Variants in PARVA observed in about 807,000 individuals in gnomAD.
PARVA encodes parvin alpha, also known as alpha-parvin.
A neutral mutation model predicts 52.6 loss-of-function variants in PARVA; 25 were observed. The ratio of observed to expected loss-of-function variants is 0.48; its 90% confidence interval spans 0.35 to 0.66. The LOEUF (loss-of-function observed/expected upper bound fraction) is 0.66, where lower values mean the gene tolerates loss of function less well. PARVA is among the 30% of genes least tolerant of loss of function. The probability of loss-of-function intolerance (pLI) is 0.01; values close to 1 mark genes in which losing one functional copy is unlikely to be tolerated. For synonymous variants in PARVA, 185 were observed against 179.1 expected, an observed-to-expected ratio of 1.03 and a Z score of -0.26; for missense variants, 373 against 450.9, an observed-to-expected ratio of 0.83 and a Z score of 1.56.
intron 1 of PARVA, among the ~76,000 whole-genome samples, chr11:12,444,835 A>G (rs537098617): frequency 2.4e-4 from 37 of 152,296 alleles, no homozygotes; most frequent in African/African-American, 8.2e-4. Context: ...CAGCTAGGAC[A>G]GGGTAGAACC....
chr11:12,484,692 T>C (rs1252754549), intron 4 of PARVA, among the ~76,000 whole-genome samples: 1 of 152,078 alleles, frequency 6.6e-6, no homozygotes, highest in Non-Finnish European at 1.5e-5. Context: ...AAATGTGTCA[T>C]ATGCTGTCTT....
At chr11:12,492,054 G>A (rs1370351097) in intron 4 of PARVA, among the ~76,000 whole-genome samples, 1 of 152,154 alleles carries the variant, frequency 6.6e-6, no homozygotes, top group Non-Finnish European at 1.5e-5. Flanking sequence ...ACTGGAAAGA[G>A]TATTTTACAT....
intron 6 of PARVA, 88 bp from the exon 7 acceptor site, chr11:12,508,496 T>A: frequency 1.1e-6 from 1 of 927,912 alleles, no homozygotes; most frequent in South Asian, 1.4e-5. Context: ...ACTTTCTCAT[T>A]ATCAGGAATG....
At chr11:12,443,339 T>C (rs897694008) in intron 1 of PARVA, among the ~76,000 whole-genome samples, 29 of 151,516 alleles carry the variant, frequency 1.9e-4, no homozygotes, top group African/African-American at 7.0e-4. Flanking sequence ...GCCCAGCTAA[T>C]TTTTTGTATT....
chr11:12,512,281 G>A (rs1941512044), intron 8 of PARVA, among the ~76,000 whole-genome samples: 1 of 152,192 alleles, frequency 6.6e-6, no homozygotes, highest in Non-Finnish European at 1.5e-5. Context: ...TCCTTCTAGA[G>A]ACTGTCTTCT....
At chr11:12,388,431 G>A (rs956470693) in intron 1 of PARVA, among the ~76,000 whole-genome samples, 2 of 152,234 alleles carry the variant, frequency 1.3e-5, no homozygotes, top group South Asian at 4.1e-4. Flanking sequence ...AGAGGCCGTG[G>A]ATGGAAGAGG....
At chr11:12,409,856 A>G (rs759878979) in intron 1 of PARVA, among the ~76,000 whole-genome samples, 9 of 152,236 alleles carry the variant, frequency 5.9e-5, no homozygotes, top group Non-Finnish European at 1.2e-4. Flanking sequence ...AAACATTGTC[A>G]ACTGCAGTTT....
chr11:12,446,040 T>TAAA (rs59092542), intron 1 of PARVA, among the ~76,000 whole-genome samples: 313 of 151,356 alleles, frequency 2.1e-3, no homozygotes, highest in East Asian at 4.3e-3. Context: ...TCATTTACTT[T>TAAA]AAAAAAAAAT....
chr11:12,382,433 T>TC (rs1405104876), intron 1 of PARVA, among the ~76,000 whole-genome samples: 1 of 152,034 alleles, frequency 6.6e-6, no homozygotes, highest in Non-Finnish European at 1.5e-5. Flanking sequence ...TCAAGGTTTT[T>TC]CTAATTGTCA....
At chr11:12,380,075 G>A (rs1433174704) in intron 1 of PARVA, among the ~76,000 whole-genome samples, 4 of 152,142 alleles carry the variant, frequency 2.6e-5, no homozygotes, top group East Asian at 1.9e-4. Flanking sequence ...AGGCTATCCT[G>A]CTTTCTAGAG....
At chr11:12,499,291 G>A (rs1212066174) in intron 5 of PARVA, among the ~76,000 whole-genome samples, 1 of 152,104 alleles carries the variant, frequency 6.6e-6, no homozygotes, top group Non-Finnish European at 1.5e-5. Flanking sequence ...TCAGCTCCTG[G>A]GGGAAAAGCT....
rs1473148434 is a variant in PARVA, at chr11:12,518,385, G to C, written c.970-60G>C. 5 of 1,283,336 alleles carry C rather than the reference G, an allele frequency of 3.9e-6. No individual in the cohort carries two copies. In the African/African-American group the frequency reaches 7.3e-5, roughly 19 times the overall value. 79.5% of individuals were successfully genotyped at this position (1,283,336 alleles called of 1,614,324 possible). A position where few individuals can be genotyped will look rare whatever the true frequency, so the allele number is the denominator to read the frequency against. On this transcript the variant is annotated intron_variant, in intron 11 of 12. Coordinates refer to ENST00000334956, the MANE Select transcript of PARVA (RefSeq NM_018222.5). Reference sequence around the variant, plus strand: ...GTGCTGGGCTCCTTCACTTCCCAGGGCCAGGTCCTGGGGCTCCTGGGTGTG... The same window carrying C: ...GTGCTGGGCTCCTTCACTTCCCAGGCCCAGGTCCTGGGGCTCCTGGGTGTG...
In PARVA at chr11:12,508,654, C is replaced by T. The variant is rs776600526; in HGVS notation, c.716+12C>T. 1 of 1,577,488 alleles carries T rather than the reference C, an allele frequency of 6.3e-7. No homozygotes were observed. Among genetic ancestry groups the T allele is most frequent in the Admixed American group, 1.7e-5 (1 of 58,742 alleles). The stretch of plus-strand genomic sequence containing the variant: ...ACTGGTAACACAGAGTATGTCAACA[C>T]CATTGTTGCCAGCGATTCTGTAATG... On this transcript the variant is annotated intron_variant, in intron 7 of 12. Coordinates refer to ENST00000334956, the MANE Select transcript of PARVA (RefSeq NM_018222.5).
intron 1 of PARVA, among the ~76,000 whole-genome samples, chr11:12,468,014 A>G (rs1219684616): frequency 6.6e-6 from 1 of 152,138 alleles, no homozygotes; most frequent in Non-Finnish European, 1.5e-5. Flanking sequence ...CTATTTTTAC[A>G]CAAGATGTGC....
chr11:12,401,747 C>T (rs573730228), intron 1 of PARVA, among the ~76,000 whole-genome samples: 13 of 152,204 alleles, frequency 8.5e-5, no homozygotes, highest in South Asian at 4.1e-4. Context: ...AAACCATGAT[C>T]GCAGGGCATG....
chr11:12,518,597 G>C (rs1329161470), intron 12 of PARVA, 80 bp downstream of exon 12: 2 of 1,049,700 alleles, frequency 1.9e-6, no homozygotes, highest in Non-Finnish European at 2.9e-6. Context: ...TTGTAGCAGA[G>C]GGAAGCATTT....
At chr11:12,458,120 A>G (rs904280590) in intron 1 of PARVA, among the ~76,000 whole-genome samples, 2 of 152,234 alleles carry the variant, frequency 1.3e-5, no homozygotes, top group African/African-American at 4.8e-5. Context: ...ATTCCATCAG[A>G]TGAAGGGGTC....
chr11:12,522,478 G>GC (rs1405161158), intron 12 of PARVA, among the ~76,000 whole-genome samples: 2 of 142,668 alleles, frequency 1.4e-5, no homozygotes, highest in Non-Finnish European at 3.0e-5. Context: ...GAGTGCAATG[G>GC]CGTGGTCTCG....
At chr11:12,457,895 C>T (rs80281345) in intron 1 of PARVA, among the ~76,000 whole-genome samples, 9,113 of 152,300 alleles carry the variant, frequency 0.06, 364 homozygotes, top group Middle Eastern at 0.11. Flanking sequence ...CCTCCCTGGT[C>T]CCCCCTGGCA....
Sources: allele counts gnomAD v4.1 joint callset (sites outside exome capture counted in the v4.1 genomes callset), GRCh38; gene constraint gnomAD v4.1.1; transcripts MANE v1.5; gene names NCBI Gene and HGNC (gene_info 2026-07-23, HGNC 2026-07-21).